Variants in TTC28 observed in about 807,000 individuals in gnomAD.
The protein encoded by TTC28 is tetratricopeptide repeat protein 28.
In TTC28, 61 loss-of-function variants were observed where a neutral mutation model predicts 198.0. The ratio of observed to expected loss-of-function variants is 0.31; its 90% confidence interval spans 0.25 to 0.38. The LOEUF is 0.38. TTC28 is among the 10% of genes least tolerant of loss of function. TTC28 has a pLI of 1.00. For synonymous variants in TTC28, 1,171 were observed against 1,297.8 expected, an observed-to-expected ratio of 0.90 and a Z score of 2.10; for missense variants, 2,678 against 3,164.0, an observed-to-expected ratio of 0.85 and a Z score of 3.69.
At chr22:28,339,744 G>A (rs558440408) in intron 2 of TTC28, among the ~76,000 whole-genome samples, 79 of 152,298 alleles carry the variant, frequency 5.2e-4, no homozygotes, top group African/African-American at 1.8e-3. Context: ...TTGGAAAAGC[G>A]TAGTATTACG....
Position 28,416,006 on chromosome 22 carries a change from G to A in TTC28, c.382-109363C>T, listed in dbSNP as rs564454570. Among the ~76,000 whole-genome samples, 4 of 152,236 alleles carry A rather than the reference G, an allele frequency of 2.6e-5. No individual in the cohort carries two copies. In the South Asian group the frequency reaches 8.3e-4, roughly 32 times the overall value. ...AAAAAGGCATTGAACTTTCAGAAAA[G>A]CCCTAGAGTAAGAAAGCTTAAAGGC... is the stretch of plus-strand genomic sequence containing the variant. On this transcript the variant is annotated intron_variant, in intron 2 of 22. Coordinates refer to ENST00000397906, the MANE Select transcript of TTC28 (RefSeq NM_001145418.2).
intron 2 of TTC28, among the ~76,000 whole-genome samples, chr22:28,367,620 T>C (rs1370547459): frequency 1.3e-5 from 2 of 151,520 alleles, no homozygotes; most frequent in African/African-American, 4.8e-5. Context: ...ATACAATCAA[T>C]GAAACAAAAA....
chr22:28,388,684 T>C (rs551600005), intron 2 of TTC28, among the ~76,000 whole-genome samples: 3 of 152,368 alleles, frequency 2.0e-5, no homozygotes, highest in Middle Eastern at 3.4e-3. Context: ...CTTTTGTACA[T>C]TGATTTTGTA....
chr22:28,588,534 G>T (rs1254568868), intron 2 of TTC28, among the ~76,000 whole-genome samples: 1 of 152,144 alleles, frequency 6.6e-6, no homozygotes, highest in African/African-American at 2.4e-5. Flanking sequence ...CTTGATTACT[G>T]GAAGCAGACA....
At chr22:28,263,299 G>A (rs1214085434) in intron 5 of TTC28, among the ~76,000 whole-genome samples, 2 of 152,098 alleles carry the variant, frequency 1.3e-5, no homozygotes, top group East Asian at 1.9e-4. Flanking sequence ...TTACAGAGGA[G>A]TAAACAAAGG....
rs118173603 is a variant in TTC28, at chr22:28,162,626, T to C, written c.1441+466A>G. Reference sequence around the variant, plus strand: ...CACGATGACAGGAAGAATTGTGTGATTTAGAGAAGGCAGGATCCAAGGAAA... The same window carrying C: ...CACGATGACAGGAAGAATTGTGTGACTTAGAGAAGGCAGGATCCAAGGAAA... On this transcript the variant is annotated intron_variant, in intron 6 of 22. Transcript: ENST00000397906. 2.0e-5 allele frequency among the ~76,000 whole-genome samples: 3 copies of C among 152,308 alleles called. No individual in the cohort carries two copies. In the East Asian group the frequency reaches 5.8e-4, roughly 29 times the overall value.
intron 2 of TTC28, among the ~76,000 whole-genome samples, chr22:28,405,849 T>C (rs1275503521): frequency 2.0e-5 from 3 of 152,244 alleles, no homozygotes; most frequent in Non-Finnish European, 4.4e-5. Context: ...AATTTCTGAA[T>C]ACACCACTTC....
At chr22:28,294,542 G>T (rs1050126945) in intron 5 of TTC28, among the ~76,000 whole-genome samples, 1 of 151,544 alleles carries the variant, frequency 6.6e-6, no homozygotes, top group Non-Finnish European at 1.5e-5. Flanking sequence ...TAGGAAAAAA[G>T]AGTATAAATG....
chr22:28,409,314 T>C (rs1290572822), intron 2 of TTC28, among the ~76,000 whole-genome samples: 1 of 152,206 alleles, frequency 6.6e-6, no homozygotes, highest in Non-Finnish European at 1.5e-5. Context: ...CAATCTCTTA[T>C]TTGATGCCAA....
chr22:28,167,092 G>A (rs1039742308), intron 5 of TTC28, among the ~76,000 whole-genome samples: 7 of 152,084 alleles, frequency 4.6e-5, no homozygotes, highest in African/African-American at 7.2e-5. Context: ...TAAATTCCTC[G>A]ACACATACAC....
intron 5 of TTC28, among the ~76,000 whole-genome samples, chr22:28,295,460 T>C (rs2044874954): frequency 6.6e-6 from 1 of 152,242 alleles, no homozygotes; most frequent in Non-Finnish European, 1.5e-5. Context: ...TTTACATATA[T>C]TATTTATAAT....
intron 2 of TTC28, among the ~76,000 whole-genome samples, chr22:28,422,466 T>G (rs972454987): frequency 6.6e-6 from 1 of 150,934 alleles, no homozygotes; most frequent in Non-Finnish European, 1.5e-5. Context: ...TGAGACGGAG[T>G]CTCGCTCTGT....
At chr22:28,272,758 A>G (rs564546595) in intron 5 of TTC28, among the ~76,000 whole-genome samples, 2 of 152,204 alleles carry the variant, frequency 1.3e-5, no homozygotes, top group Non-Finnish European at 2.9e-5. Context: ...AACTTAGCAG[A>G]GCTTTCAGCA....
intron 2 of TTC28, among the ~76,000 whole-genome samples, chr22:28,407,103 A>C (rs2047008307): frequency 6.6e-6 from 1 of 152,222 alleles, no homozygotes; most frequent in Admixed American, 6.5e-5. Context: ...ACTTCTTAGA[A>C]GGTAAGTCTC....
At chr22:28,038,864 T>A (rs1293018014) in intron 12 of TTC28, among the ~76,000 whole-genome samples, 1 of 152,132 alleles carries the variant, frequency 6.6e-6, no homozygotes, top group Non-Finnish European at 1.5e-5. Flanking sequence ...GCAAAGCATA[T>A]GAACAGACAT....
intron 1 of TTC28, among the ~76,000 whole-genome samples, chr22:28,637,344 T>G (rs190476871): frequency 2.6e-5 from 4 of 152,302 alleles, no homozygotes; most frequent in Non-Finnish European, 5.9e-5. Flanking sequence ...TTGAGTTTAT[T>G]TTTATGTGTG....
chr22:28,470,712 C>T (rs2048086395), intron 2 of TTC28, among the ~76,000 whole-genome samples: 1 of 151,830 alleles, frequency 6.6e-6, no homozygotes, highest in Non-Finnish European at 1.5e-5. Flanking sequence ...AATTGGAGTC[C>T]AAGAAAAGTA....
intron 6 of TTC28, among the ~76,000 whole-genome samples, chr22:28,162,600 C>A (rs1921338435): frequency 6.6e-6 from 1 of 152,122 alleles, no homozygotes; most frequent in African/African-American, 2.4e-5. Context: ...CCTTACAGCA[C>A]CACGATGACA....
rs1374177915 is a variant in TTC28, at chr22:27,996,337, AC to A, written c.5120-79del. ...CCACCCCGGCTTCCAGGGCTCACTT[AC>A]GCCTCGAGGTTAACCCAGCAGAAAG... On this transcript the variant is annotated intron_variant, in intron 16 of 22. Coordinates refer to ENST00000397906, the MANE Select transcript of TTC28 (RefSeq NM_001145418.2). 8 of 1,510,922 alleles carry A rather than the reference AC, an allele frequency of 5.3e-6. No homozygotes were observed. The South Asian group carries it at 7.5e-5, about 14-fold the overall frequency. 93.6% of individuals were successfully genotyped at this position (1,510,922 alleles called of 1,614,324 possible). A position where few individuals can be genotyped will look rare whatever the true frequency, so the allele number is the denominator to read the frequency against.
Sources: gnomAD v4.1 joint callset for allele counts (sites outside exome capture counted in the v4.1 genomes callset) on GRCh38, gnomAD v4.1.1 for gene constraint, MANE v1.5 for transcripts, NCBI Gene and HGNC (gene_info 2026-07-23, HGNC 2026-07-21) for gene names.